Variants in RNF207 observed in about 807,000 individuals in gnomAD.
The protein encoded by RNF207 is OTTHUMG00000001089.
A neutral mutation model predicts 79.0 loss-of-function variants in RNF207; 72 were observed. That is an observed-to-expected ratio of 0.91 (90% confidence interval 0.75 to 1.11). The LOEUF (loss-of-function observed/expected upper bound fraction) is 1.11. Among genes scored for constraint, RNF207 ranks in the 50% least tolerant of loss-of-function variants. The pLI is 0.00. For synonymous variants in RNF207, 348 were observed against 366.2 expected, an observed-to-expected ratio of 0.95 and a Z score of 0.57; for missense variants, 936 against 855.8, an observed-to-expected ratio of 1.09 and a Z score of -1.17.
chr1:6,212,102 C>T (rs1186849323), intron 13 of RNF207, 49 bp downstream of exon 13: 1 of 1,557,324 alleles, frequency 6.4e-7, no homozygotes, highest in Admixed American at 1.8e-5. Flanking sequence ...TAACCCACTC[C>T]TCACCAAGGT....
In RNF207 at chr1:6,219,656, C is replaced by G. The variant is rs1668484810; in HGVS notation, c.*249C>G. 4.2e-6 allele frequency: 1 copy of G among 240,106 alleles called. No individual in the cohort carries two copies. The allele number at this position is 240,106 out of a possible 1,614,324, so 14.9% of individuals were successfully genotyped here. On this transcript the variant is annotated 3_prime_UTR_variant, in exon 18 of 18. Coordinates refer to ENST00000377939, the MANE Select transcript of RNF207 (RefSeq NM_207396.3). ...TACAGGCGCCTGACACCACGCCCCG[C>G]TAATTTTTTGTATTTTTAGTAGAGA...
At chr1:6,210,807 C>T in intron 10 of RNF207, 63 bp from the exon 11 acceptor site, 1 of 1,418,886 alleles carries the variant, frequency 7.0e-7, no homozygotes, top group Non-Finnish European at 9.7e-7. Flanking sequence ...GCCTCCATCT[C>T]CCCTCTTCCT....
rs527517779 is a variant in RNF207 at position 6,209,255 on chromosome 1, C to T, written c.552-13C>T. 3.2e-6 allele frequency: 5 copies of T among 1,549,440 alleles called. No homozygotes were observed. The highest frequency in any genetic ancestry group is 2.0e-5 in the Admixed American group (1 of 51,008). ...GGGCCGCTGGAGCGGGCCTCACCCG[C>T]CGCCTTCTGCAGGGAGAGCCGGGCA... On this transcript the variant is annotated splice_polypyrimidine_tract_variant and intron_variant, in intron 5 of 17. Transcript: ENST00000377939.
intron 2 of RNF207, 78 bp downstream of exon 2, chr1:6,206,804 C>T: frequency 8.1e-7 from 1 of 1,234,882 alleles, no homozygotes. Context: ...GAGCTGGGAC[C>T]CAGGTGCCAG....
intron 17 of RNF207, among the ~76,000 whole-genome samples, chr1:6,218,657 T>C (rs1410458757): frequency 6.6e-6 from 1 of 152,174 alleles, no homozygotes; most frequent in Non-Finnish European, 1.5e-5. Context: ...CTGCACGTGC[T>C]TATGCTAGGG....
In RNF207 at chr1:6,213,192, A is replaced by G. The variant is rs1186992909; in HGVS notation, c.1652+9A>G. 1.9e-6 allele frequency: 3 copies of G among 1,573,726 alleles called. No homozygotes were observed. The highest frequency in any genetic ancestry group is 2.6e-6 in the Non-Finnish European group (3 of 1,145,166). On this transcript the variant is annotated intron_variant, in intron 16 of 17. Transcript: ENST00000377939. The stretch of plus-strand genomic sequence containing the variant: ...GAGCGGCTGGAGCCCAGGTGAGGCC[A>G]AGGGGGTGTTCCCAGGGCCACTGAG...
rs544673318 is a variant in RNF207 at position 6,207,268 on chromosome 1, A to T, written c.192-111A>T. On this transcript the variant is annotated intron_variant, in intron 2 of 17. Coordinates refer to ENST00000377939, the MANE Select transcript of RNF207 (RefSeq NM_207396.3). This position sits in a 1 kb window ranked among gnomAD's most constrained non-coding sequence, Gnocchi z 4.5. ...ATAGCAGACCCCAGAGCTGTGGTGC[A>T]CCCCACCTCCCAACACAGCTATTTT... 2.3e-5 allele frequency: 26 copies of T among 1,132,530 alleles called. No individual in the cohort carries two copies. The highest frequency in any genetic ancestry group is 6.0e-4 in the Middle Eastern group (2 of 3,310). The allele number at this position is 1,132,530 out of a possible 1,614,324, so 70.2% of individuals were successfully genotyped here. A position where few individuals can be genotyped will look rare whatever the true frequency, so the allele number is the denominator to read the frequency against.
At chr1:6,212,495 A>T in intron 14 of RNF207, 79 bp downstream of exon 14, 1 of 1,420,010 alleles carries the variant, frequency 7.0e-7, no homozygotes, top group Non-Finnish European at 9.7e-7. Flanking sequence ...AAGCGGGGAA[A>T]GAGGACCTGG....
At position 6,209,520 on chromosome 1, in the gene RNF207, C is replaced by T. The variant is rs1355991299; in HGVS notation, c.734C>T (p.Ala245Val). The T allele has an allele frequency of 1.8e-5, 26 of 1,468,490 alleles. No individual in the cohort carries two copies. The highest frequency in any genetic ancestry group is 2.1e-5 in the Non-Finnish European group (24 of 1,118,516). 91.0% of individuals were successfully genotyped at this position (1,468,490 alleles called of 1,614,324 possible). Residue 245 changes from alanine to valine, a missense_variant, in exon 7 of 18, where the codon GCC (alanine) becomes GTC (valine). By Grantham distance (64) the Ala-to-Val change is moderately conservative. Transcript: ENST00000377939. ...GCCGAGGAGGAGGACGCTATCCACG[C>T]CCTCTTCGGCAGCATGCAGGTGAGG... is the stretch of plus-strand genomic sequence containing the variant. ...SAAEEEDAIH[A>V]LFGSMQDRLA...
At chr1:6,215,255 C>T (rs1028547260) in intron 16 of RNF207, among the ~76,000 whole-genome samples, 1 of 151,766 alleles carries the variant, frequency 6.6e-6, no homozygotes, top group Non-Finnish European at 1.5e-5. Flanking sequence ...CTTGAACTCC[C>T]GACCTCAGGT....
At chr1:6,215,331 CTTTTT>C (rs147320112) in intron 16 of RNF207, among the ~76,000 whole-genome samples, 25 of 138,800 alleles carry the variant, frequency 1.8e-4, no homozygotes, top group Admixed American at 4.4e-4. Flanking sequence ...CCCGGCCCCC[CTTTTT>C]TTTTTTTTTT....
chr1:6,210,103 T>C (rs900161759), intron 8 of RNF207, 120 bp from the exon 9 acceptor site: 19 of 1,295,316 alleles, frequency 1.5e-5, no homozygotes, highest in Non-Finnish European at 2.0e-5. Context: ...GAGGGCAGCA[T>C]GGCTCAGGGT....
chr1:6,218,436 A>G, intron 17 of RNF207, 67 bp downstream of exon 17: 1 of 1,199,500 alleles, frequency 8.3e-7, no homozygotes, highest in East Asian at 2.4e-5. Context: ...AGGACGACAA[A>G]GGAAACTCCA....
chr1:6,209,555 TG>T lies in RNF207; in HGVS notation c.753+21del. 6.9e-7 allele frequency: 1 copy of T among 1,445,172 alleles called. No individual in the cohort carries two copies. Among genetic ancestry groups the T allele is most frequent in the Non-Finnish European group, 9.0e-7 (1 of 1,108,522 alleles). 89.5% of individuals were successfully genotyped at this position (1,445,172 alleles called of 1,614,324 possible). On this transcript the variant is annotated intron_variant, in intron 7 of 17. Coordinates refer to ENST00000377939, the MANE Select transcript of RNF207 (RefSeq NM_207396.3). The stretch of plus-strand genomic sequence containing the variant: ...CAGCATGCAGGTGAGGGGTGGGGGT[TG>T]GGGGATAAACGACCCAGCCGGGACC...
In RNF207 at chr1:6,212,001, G is replaced by T. The variant is rs745344856; in HGVS notation, c.1244G>T (p.Gly415Val). Reference protein sequence around the residue: ...SISTKVLLAEGENTPFAEHCR... With the variant: ...SISTKVLLAEVENTPFAEHCR... ...AGCACCAAGGTGCTGCTGGCGGAGGGCGAGAACACGCCCTTCGCAGAGCAC... is the reference window on the plus strand; with the variant it reads ...AGCACCAAGGTGCTGCTGGCGGAGGTCGAGAACACGCCCTTCGCAGAGCAC... The change falls in exon 13 of 18, where the codon GGC becomes GTC. Residue 415 changes from glycine to valine, a missense_variant. Coordinates refer to ENST00000377939, the MANE Select transcript of RNF207 (RefSeq NM_207396.3). 5.7e-6 allele frequency: 9 copies of T among 1,591,726 alleles called. No individual in the cohort carries two copies. The highest frequency in any genetic ancestry group is 6.8e-6 in the Non-Finnish European group (8 of 1,170,238).
Position 6,207,009 on chromosome 1 carries a change from C to T in RNF207, c.191+283C>T, listed in dbSNP as rs539367911. On this transcript the variant is annotated intron_variant, in intron 2 of 17. Coordinates refer to ENST00000377939, the MANE Select transcript of RNF207 (RefSeq NM_207396.3). The surrounding 1 kb of genome is among the most constrained non-coding windows in gnomAD (Gnocchi z 4.5). ...GGCGGGGCTCCAGCACTGGTCAGGA[C>T]GCTCCCGGTTACTCGCTTGGGGGTC... Among the ~76,000 whole-genome samples, 1 of 151,810 alleles carries T rather than the reference C, an allele frequency of 6.6e-6. No individual in the cohort carries two copies. The highest frequency in any genetic ancestry group is 1.5e-5 in the Non-Finnish European group (1 of 67,920).
In RNF207 at chr1:6,214,630, C is replaced by CTTTTTTTTTTTTTTTTTTT. The variant is rs144139448; in HGVS notation, c.1652+1452_1652+1470dup. On this transcript the variant is annotated intron_variant, in intron 16 of 17. Coordinates refer to ENST00000377939, the MANE Select transcript of RNF207 (RefSeq NM_207396.3). ...GTTGGCCAGGCTGGAATATTTCTTTCTTTTTTTTTTTTTTTTTTTTTTTGA... is the reference window on the plus strand; with the variant it reads ...GTTGGCCAGGCTGGAATATTTCTTTCTTTTTTTTTTTTTTTTTTTTTTTTTTTTTTTTTTTTTTTTTTGA... Among the ~76,000 whole-genome samples the CTTTTTTTTTTTTTTTTTTT allele has an allele frequency of 3.4e-4, 24 of 70,660 alleles. 1 individual carries two copies. The highest frequency in any genetic ancestry group is 8.9e-4 in the African/African-American group (13 of 14,648). The allele number at this position is 70,660 out of a possible 152,430, so 46.4% of individuals were successfully genotyped here. A position where few individuals can be genotyped will look rare whatever the true frequency, so the allele number is the denominator to read the frequency against.
chr1:6,217,682 G>A lies in RNF207; in HGVS notation c.1653-607G>A, dbSNP rs1417240311. ...CTACTGTTCCTGCCTCAATCCACCC[G>A]CTTTGGTCTCTATTGCTCCCCTGAA... On this transcript the variant is annotated intron_variant, in intron 16 of 17. Transcript: ENST00000377939. This position sits in a 1 kb window ranked among gnomAD's most constrained non-coding sequence, Gnocchi z 4.2. Among the ~76,000 whole-genome samples, 5 of 151,944 alleles carry A rather than the reference G, an allele frequency of 3.3e-5. No homozygotes were observed. In the South Asian group the frequency reaches 8.3e-4, roughly 25 times the overall value.
In RNF207 at chr1:6,212,071, T is replaced by TG. The variant is rs769013432; in HGVS notation, c.1296+19dup. 6.3e-7 allele frequency: 1 copy of TG among 1,577,146 alleles called. No individual in the cohort carries two copies. The highest frequency in any genetic ancestry group is 2.3e-5 in the East Asian group (1 of 43,716). On this transcript the variant is annotated intron_variant, in intron 13 of 17. Transcript: ENST00000377939. ...CCTACCGGGTGAGGGGGCAGGGATCTGCCGGAGGGGGGAGATGTCCTAACC... is the reference window on the plus strand; with the variant it reads ...CCTACCGGGTGAGGGGGCAGGGATCTGGCCGGAGGGGGGAGATGTCCTAACC...
Sources: gnomAD v4.1 joint callset for allele counts (sites outside exome capture counted in the v4.1 genomes callset) on GRCh38, gnomAD v4.1.1 for gene constraint, Gnocchi (gnomAD v3.1) non-coding constraint, MANE v1.5 for transcripts, NCBI Gene and HGNC (gene_info 2026-07-23, HGNC 2026-07-21) for gene names.